PRDM5: variants seen among roughly 807,000 people sequenced by gnomAD.
PRDM5 encodes PR/SET domain 5.
In PRDM5, 56 loss-of-function variants were observed where a neutral mutation model predicts 81.2. That is an observed-to-expected ratio of 0.69 (90% CI 0.56 to 0.86). The LOEUF is 0.86. PRDM5 is among the 40% of genes least tolerant of loss of function. PRDM5 has a pLI of 0.00. For synonymous variants in PRDM5, 267 were observed against 256.4 expected, an observed-to-expected ratio of 1.04 and a Z score of -0.39; for missense variants, 697 against 770.1, an observed-to-expected ratio of 0.91 and a Z score of 1.12.
chr4:120,843,201 A>G (rs1849078), intron 3 of PRDM5, among the ~76,000 whole-genome samples: 48,677 of 151,804 alleles, frequency 0.32, 8,010 homozygotes, highest in African/African-American at 0.4. Context: ...AGGCGTGATG[A>G]TGTGCACCTG....
downstream of PRDM5, among the ~76,000 whole-genome samples, chr4:120,690,184 C>T (rs528794612): frequency 1.1e-4 from 16 of 152,232 alleles, no homozygotes; most frequent in African/African-American, 3.6e-4. Context: ...GGTCAATGTA[C>T]TTCATGTTTT....
intron 2 of PRDM5, among the ~76,000 whole-genome samples, chr4:120,861,254 G>A (rs1356149145): frequency 3.3e-5 from 5 of 152,000 alleles, no homozygotes; most frequent in Admixed American, 6.6e-5. Flanking sequence ...GTGATTTGCC[G>A]GCCTCAGCCT....
chr4:120,917,737 G>A (rs902727566), intron 1 of PRDM5, among the ~76,000 whole-genome samples: 3 of 149,592 alleles, frequency 2.0e-5, no homozygotes, highest in African/African-American at 7.4e-5. Flanking sequence ...AGATACCGTC[G>A]AAAGAAGTGT....
At chr4:120,738,455 T>C (rs753343498) in intron 14 of PRDM5, among the ~76,000 whole-genome samples, 54 of 152,262 alleles carry the variant, frequency 3.5e-4, no homozygotes, top group Non-Finnish European at 6.8e-4. Flanking sequence ...TTCAGTGTTA[T>C]GTAAGCAAAT....
At chr4:120,776,962 A>T (rs1748241295) in intron 13 of PRDM5, among the ~76,000 whole-genome samples, 1 of 152,200 alleles carries the variant, frequency 6.6e-6, no homozygotes, top group South Asian at 2.1e-4. Flanking sequence ...ACCAAACATT[A>T]AAAACATTAT....
At chr4:120,777,061 G>A (rs1748264990) in intron 13 of PRDM5, 127 bp downstream of exon 13, 16 of 1,543,658 alleles carry the variant, frequency 1.0e-5, no homozygotes, top group East Asian at 2.3e-5. Context: ...AATGCTTTAA[G>A]AGAGAGAAAA....
At chr4:120,856,291 A>T (rs1321628288) in intron 2 of PRDM5, among the ~76,000 whole-genome samples, 1 of 152,206 alleles carries the variant, frequency 6.6e-6, no homozygotes, top group Admixed American at 6.5e-5. Context: ...ATTTATCTTT[A>T]TTCTCAGAAC....
chr4:120,797,424 A>G (rs1751496959), intron 10 of PRDM5, among the ~76,000 whole-genome samples: 1 of 152,156 alleles, frequency 6.6e-6, no homozygotes, highest in South Asian at 2.1e-4. Flanking sequence ...GCCTAATTAG[A>G]TGAGTATTAA....
At chr4:120,799,576 AT>A in intron 9 of PRDM5, 84 bp downstream of exon 9, 1 of 1,542,146 alleles carries the variant, frequency 6.5e-7, no homozygotes, top group Non-Finnish European at 8.8e-7. Flanking sequence ...AAGGCCCCTG[AT>A]TACCACTCTT....
intron 2 of PRDM5, among the ~76,000 whole-genome samples, chr4:120,891,711 C>A (rs1411086029): frequency 2.0e-5 from 3 of 152,082 alleles, no homozygotes; most frequent in Non-Finnish European, 4.4e-5. Context: ...CTCGCCGCAA[C>A]CTCCGCCTTC....
At chr4:120,838,510 T>C (rs1757616708) in intron 3 of PRDM5, 1 of 152,220 alleles carries the variant, frequency 6.6e-6, no homozygotes, top group African/African-American at 2.4e-5. Context: ...CGGTATAGAA[T>C]AGCAGTGCCC....
At chr4:120,886,818 T>C (rs1763484746) in intron 2 of PRDM5, among the ~76,000 whole-genome samples, 2 of 152,126 alleles carry the variant, frequency 1.3e-5, no homozygotes, top group Admixed American at 6.5e-5. Context: ...GTCTACAACA[T>C]AGTCTACCCC....
intron 3 of PRDM5, among the ~76,000 whole-genome samples, chr4:120,825,559 A>G (rs1207027415): frequency 6.6e-6 from 1 of 152,152 alleles, no homozygotes. Flanking sequence ...CAGAATGATT[A>G]CTTCCCACTG....
At chr4:120,794,932 T>G (rs1751140443) in intron 10 of PRDM5, among the ~76,000 whole-genome samples, 1 of 152,084 alleles carries the variant, frequency 6.6e-6, no homozygotes, top group Non-Finnish European at 1.5e-5. Context: ...AGCCTTCTAT[T>G]CTATTTTTTA....
At chr4:120,852,758 T>C (rs1311191944) in intron 3 of PRDM5, among the ~76,000 whole-genome samples, 1 of 149,656 alleles carries the variant, frequency 6.7e-6, no homozygotes, top group Admixed American at 6.7e-5. Flanking sequence ...TATATTTTTA[T>C]ATATTTTTTA....
At chr4:120,729,070 T>C (rs1739872016) in intron 14 of PRDM5, among the ~76,000 whole-genome samples, 1 of 151,964 alleles carries the variant, frequency 6.6e-6, no homozygotes, top group Non-Finnish European at 1.5e-5. Context: ...GTTGACACAG[T>C]GTATAGAGAT....
chr4:120,734,977 A>G (rs1178780419), intron 14 of PRDM5, among the ~76,000 whole-genome samples: 1 of 152,186 alleles, frequency 6.6e-6, no homozygotes, highest in Non-Finnish European at 1.5e-5. Flanking sequence ...TACACGGCAC[A>G]TAGCACAGAA....
intron 2 of PRDM5, among the ~76,000 whole-genome samples, chr4:120,867,961 C>A (rs112427938): frequency 6.6e-6 from 1 of 152,192 alleles, no homozygotes; most frequent in African/African-American, 2.4e-5. Context: ...CAACATTGGG[C>A]GCTGCCAATG....
downstream of PRDM5, among the ~76,000 whole-genome samples, chr4:120,684,687 T>C (rs1462602312): frequency 1.3e-5 from 2 of 152,156 alleles, no homozygotes; most frequent in African/African-American, 2.4e-5. Flanking sequence ...TATTATAAAA[T>C]GCCTTTAATT....
Sources: gnomAD v4.1 joint callset for allele counts (sites outside exome capture counted in the v4.1 genomes callset) on GRCh38, gnomAD v4.1.1 for gene constraint, MANE v1.5 for transcripts, NCBI Gene and HGNC (gene_info 2026-07-23, HGNC 2026-07-21) for gene names.